PLEKHM3: variants seen among roughly 807,000 people sequenced by gnomAD.
PLEKHM3 encodes pleckstrin homology domain containing M3.
In PLEKHM3, 45 loss-of-function variants were observed where a neutral mutation model predicts 81.8. That is an observed-to-expected ratio of 0.55 (90% CI 0.43 to 0.71). The LOEUF is 0.71. Among genes scored for constraint, PLEKHM3 ranks in the 30% least tolerant of loss-of-function variants. PLEKHM3 has a pLI of 0.00. For synonymous variants in PLEKHM3, 352 were observed against 356.4 expected (o/e 0.99, Z 0.14); for missense variants, 788 against 924.3 (o/e 0.85, Z 1.91).
Position 207,825,887 on chromosome 2 carries a change from T to C in PLEKHM3, c.*2432A>G, listed in dbSNP as rs1413363052. The C allele has an allele frequency of 3.3e-5, 5 of 152,128 alleles. No homozygotes were observed. The highest frequency in any genetic ancestry group is 5.9e-5 in the Non-Finnish European group (4 of 68,022). 9.4% of individuals were successfully genotyped at this position (152,128 alleles called of 1,614,324 possible). On this transcript the variant is annotated 3_prime_UTR_variant, in exon 8 of 8. Transcript: ENST00000427836. ...CTCCTTAGGAGTTCACAGGGACTGC[T>C]CGTATTTAGCAGGGCCCTCTAAATG...
intron 2 of PLEKHM3, among the ~76,000 whole-genome samples, chr2:207,998,992 T>A (rs892436671): frequency 1.4e-4 from 21 of 151,782 alleles, no homozygotes; most frequent in African/African-American, 5.1e-4. Flanking sequence ...TCCTTTAATA[T>A]CTTTTTTTTT....
intron 1 of PLEKHM3, among the ~76,000 whole-genome samples, chr2:208,010,547 G>A (rs1692655163): frequency 6.6e-6 from 1 of 152,086 alleles, no homozygotes; most frequent in African/African-American, 2.4e-5. Flanking sequence ...TTGGGACTGA[G>A]AGGAAGAAGG....
intron 4 of PLEKHM3, among the ~76,000 whole-genome samples, chr2:207,937,492 TGCCAGAGTTCAA>T (rs1321011120): frequency 1.1e-4 from 17 of 150,926 alleles, no homozygotes; most frequent in Non-Finnish European, 2.2e-4. Context: ...AATGCTTGAG[TGCCAGAGTTCAA>T]GGCTGCAGTG....
intron 3 of PLEKHM3, among the ~76,000 whole-genome samples, chr2:207,949,275 T>C (rs1006914050): frequency 3.9e-5 from 6 of 152,226 alleles, no homozygotes; most frequent in Admixed American, 2.0e-4. Flanking sequence ...TGGCTAGGCA[T>C]AGTAGCTCAC....
At position 207,953,824 on chromosome 2, in the gene PLEKHM3, C is replaced by CAA. The variant is rs35813793; in HGVS notation, c.1547-7314_1547-7313dup. 9.5e-3 allele frequency among the ~76,000 whole-genome samples: 930 copies of CAA among 97,678 alleles called. 2 individuals are homozygous for CAA. The highest frequency in any genetic ancestry group is 0.013 in the Non-Finnish European group (595 of 46,400). 64.1% of individuals were successfully genotyped at this position (97,678 alleles called of 152,430 possible). On this transcript the variant is annotated intron_variant, in intron 3 of 7. Coordinates refer to ENST00000427836, the MANE Select transcript of PLEKHM3 (RefSeq NM_001080475.3). ...GGGCCACAAAGCAAGACTCTGTCTA[C>CAA]AAAAAAAAAAAAAAAAGAATAAAGT...
rs773221038 is a variant in PLEKHM3 at position 207,931,091 on chromosome 2, T to C, written c.1721A>G (p.Glu574Gly). The C allele has an allele frequency of 6.2e-7, 1 of 1,613,312 alleles. No individual in the cohort carries two copies. The highest frequency in any genetic ancestry group is 1.3e-5 in the African/African-American group (1 of 75,028). ...GATGAGCGGCTCTTCGTACACGTAC[T>C]CCAGAAACTCCTTGGCCTGCTTCGA... The part of the protein sequence containing the change: ...KVSKQAKEFL[E>G]YVYEEPLIDI... The change falls in exon 5 of 8, where the codon GAG (glutamate) becomes GGG (glycine). Residue 574 changes from glutamate to glycine, a missense_variant. Coordinates refer to ENST00000427836, the MANE Select transcript of PLEKHM3 (RefSeq NM_001080475.3).
Position 208,023,902 on chromosome 2 carries a change from T to C in PLEKHM3, c.-319+1487A>G, listed in dbSNP as rs546604937. Among the ~76,000 whole-genome samples, 119 of 152,200 alleles carry C rather than the reference T, an allele frequency of 7.8e-4. 1 individual carries two copies. Among genetic ancestry groups the C allele is most frequent in the African/African-American group, 2.7e-3 (112 of 41,516 alleles). On this transcript the variant is annotated intron_variant, in intron 1 of 7. Transcript: ENST00000427836. ...ACAAACATGTATATAGCAATTACTA[T>C]ATGCCAGGTACGGTTCTAAGCCTTG...
chr2:207,953,453 A>T (rs1235832421), intron 3 of PLEKHM3, among the ~76,000 whole-genome samples: 1 of 152,138 alleles, frequency 6.6e-6, no homozygotes, highest in Non-Finnish European at 1.5e-5. Context: ...GTGAGAGATT[A>T]TATATGAGAA....
In PLEKHM3 at chr2:207,865,819, T is replaced by A. The variant is rs867794266; in HGVS notation, c.1951-4557A>T. On this transcript the variant is annotated intron_variant, in intron 6 of 7. Transcript: ENST00000427836. ...AAAAAAAAAGATATATATATATATA[T>A]ATATATATATATATATATACTTTCT... Among the ~76,000 whole-genome samples, 629 of 102,070 alleles carry A rather than the reference T, an allele frequency of 6.2e-3. 30 individuals are homozygous for A. The highest frequency in any genetic ancestry group is 0.02 in the East Asian group (64 of 3,198). The allele number at this position is 102,070 out of a possible 152,430, so 67.0% of individuals were successfully genotyped here. A position where few individuals can be genotyped will look rare whatever the true frequency, so the allele number is the denominator to read the frequency against.
chr2:207,878,375 G>A (rs374145714), intron 6 of PLEKHM3, among the ~76,000 whole-genome samples: 6 of 152,252 alleles, frequency 3.9e-5, no homozygotes, highest in African/African-American at 1.4e-4. Context: ...TTGGGAGGCA[G>A]AGGCGGGCGA....
chr2:207,999,407 G>A (rs1176524387), intron 2 of PLEKHM3, among the ~76,000 whole-genome samples: 1 of 151,942 alleles, frequency 6.6e-6, no homozygotes, highest in Admixed American at 6.5e-5. Context: ...TTGAGCACAG[G>A]AACTCAAGAC....
intron 5 of PLEKHM3, among the ~76,000 whole-genome samples, chr2:207,913,493 T>G (rs1411004638): frequency 2.6e-5 from 4 of 151,934 alleles, no homozygotes; most frequent in Non-Finnish European, 4.4e-5. Flanking sequence ...GTCAATGGCA[T>G]CAAAGGTAGT....
At chr2:207,988,866 C>G (rs1031416391) in intron 2 of PLEKHM3, among the ~76,000 whole-genome samples, 1 of 152,136 alleles carries the variant, frequency 6.6e-6, no homozygotes, top group Non-Finnish European at 1.5e-5. Flanking sequence ...TCTTATGTTC[C>G]TTGAACAAGC....
intron 6 of PLEKHM3, among the ~76,000 whole-genome samples, chr2:207,883,971 G>C (rs1327713886): frequency 6.6e-6 from 1 of 151,972 alleles, no homozygotes; most frequent in Non-Finnish European, 1.5e-5. Flanking sequence ...CATAGAAAAA[G>C]CATTTGACAA....
chr2:207,837,661 T>G (rs1575267617), intron 7 of PLEKHM3, among the ~76,000 whole-genome samples: 2 of 126,184 alleles, frequency 1.6e-5, no homozygotes, highest in South Asian at 2.5e-4. Context: ...TGAGATGGAG[T>G]CAGGCTGGTC....
intron 3 of PLEKHM3, among the ~76,000 whole-genome samples, chr2:207,959,138 G>T (rs1371163846): frequency 6.6e-6 from 1 of 152,032 alleles, no homozygotes; most frequent in Non-Finnish European, 1.5e-5. Flanking sequence ...ATTACAAAGG[G>T]TTTTTCAGCA....
rs144920584 is a variant in PLEKHM3, at chr2:207,970,158, C to T, written c.1546+6493G>A. Among the ~76,000 whole-genome samples the T allele has an allele frequency of 1.3e-4, 19 of 151,718 alleles. No individual in the cohort carries two copies. In the East Asian group the frequency reaches 1.7e-3, roughly 14 times the overall value. On this transcript the variant is annotated intron_variant, in intron 3 of 7. Transcript: ENST00000427836. ...TTTGTGAATGATAGCTGGGAGCAAC[C>T]GCTGAAAAGCTTTGGGGGAAAAAAT...
In PLEKHM3 at chr2:207,976,733, T is replaced by C. The variant is rs767808943; in HGVS notation, c.1464A>G (p.Gln488=). The part of the protein sequence containing the change: ...GGHELRKNKR[Q]SVTTSFLSIL... ...TGCTCAGGAAGCTGGTAGTCACAGA[T>C]TGGCGTTTGTTCTTCCTGAGTTCAT... Residue 488 remains glutamine, a synonymous_variant, in exon 3 of 8, where the codon CAA becomes CAG. Coordinates refer to ENST00000427836, the MANE Select transcript of PLEKHM3 (RefSeq NM_001080475.3). This position sits in a 1 kb window ranked among gnomAD's most constrained non-coding sequence, Gnocchi z 4.1. The C allele has an allele frequency of 5.0e-6, 8 of 1,614,130 alleles. No homozygotes were observed. The highest frequency in any genetic ancestry group is 6.8e-6 in the Non-Finnish European group (8 of 1,180,050).
At chr2:207,966,755 A>G (rs2106008895) in intron 3 of PLEKHM3, among the ~76,000 whole-genome samples, 1 of 152,014 alleles carries the variant, frequency 6.6e-6, no homozygotes, top group East Asian at 1.9e-4. Context: ...GGGTTTCACC[A>G]TGTTGGCCGG....
Sources: gnomAD v4.1 joint callset for allele counts (sites outside exome capture counted in the v4.1 genomes callset) on GRCh38, gnomAD v4.1.1 for gene constraint, Gnocchi (gnomAD v3.1) non-coding constraint, MANE v1.5 for transcripts, NCBI Gene and HGNC (gene_info 2026-07-23, HGNC 2026-07-21) for gene names.